Variants in MAGI2 observed in about 807,000 individuals in gnomAD.
The protein encoded by MAGI2 is membrane associated guanylate kinase, WW and PDZ domain containing 2.
A neutral mutation model predicts 133.3 loss-of-function variants in MAGI2; 35 were observed. The observed-to-expected ratio is 0.26, with a 90% CI of 0.20 to 0.35. The LOEUF (loss-of-function observed/expected upper bound fraction) is 0.35, where lower values mean the gene tolerates loss of function less well. Ranked by LOEUF, MAGI2 falls within the 10% of genes least tolerant of loss-of-function variation. The probability of loss-of-function intolerance (pLI) is 1.00; values close to 1 mark genes in which losing one functional copy is unlikely to be tolerated. For missense variants in MAGI2, 1,636 were observed against 1,863.4 expected (o/e 0.88, Z 2.25); for synonymous variants, 729 against 710.6 (o/e 1.03, Z -0.41).
chr7:78,256,165 C>G lies in MAGI2; in HGVS notation c.1825G>C (p.Val609Leu). 1 of 1,613,940 alleles carries G rather than the reference C, an allele frequency of 6.2e-7. No homozygotes were observed. Among genetic ancestry groups the G allele is most frequent in the Non-Finnish European group, 8.5e-7 (1 of 1,179,984 alleles). Reference protein sequence around the residue: ...TQAELMTLTIVKGAQGFGFTI... With the variant: ...TQAELMTLTILKGAQGFGFTI... ...AAGCCGAAGCCCTGGGCACCTTTCA[C>G]AATGGTTAAGGTCATAAGTTCAGCT... Residue 609 changes from valine to leucine, a missense_variant, in exon 10 of 22, where the codon GTG (valine) becomes CTG (leucine). By Grantham distance (32) the Val-to-Leu change is conservative. Coordinates refer to ENST00000354212, the MANE Select transcript of MAGI2 (RefSeq NM_012301.4).
intron 1 of MAGI2, among the ~76,000 whole-genome samples, chr7:79,313,883 A>G (rs1838492300): frequency 6.6e-6 from 1 of 151,370 alleles, no homozygotes; most frequent in Non-Finnish European, 1.5e-5. Flanking sequence ...GTTAACTGCA[A>G]TCTCCACCTC....
chr7:78,320,785 A>G (rs556138391), intron 9 of MAGI2, among the ~76,000 whole-genome samples: 72 of 152,130 alleles, frequency 4.7e-4, no homozygotes, highest in Non-Finnish European at 4.9e-4. Context: ...CAATCAGGCA[A>G]GAGAAAGAAA....
At chr7:78,950,027 T>C (rs1801741353) in intron 2 of MAGI2, among the ~76,000 whole-genome samples, 2 of 152,252 alleles carry the variant, frequency 1.3e-5, no homozygotes, top group South Asian at 4.2e-4. Context: ...TTAGAACTCA[T>C]CTGTAGTCTA....
At chr7:79,069,543 C>CTT (rs71095375) in intron 1 of MAGI2, among the ~76,000 whole-genome samples, 150,946 of 152,262 alleles carry the variant, frequency 0.99, 74,823 homozygotes, top group East Asian at 1. Flanking sequence ...GGTCTTGACT[C>CTT]TATCCAATTT....
At chr7:78,359,243 G>T (rs796455238) in intron 7 of MAGI2, 1 of 152,156 alleles carries the variant, frequency 6.6e-6, no homozygotes, top group Non-Finnish European at 1.5e-5. Flanking sequence ...CGTGAAAGGG[G>T]CATCTCTTTT....
chr7:79,207,697 T>G (rs1829171133), intron 1 of MAGI2, among the ~76,000 whole-genome samples: 1 of 151,786 alleles, frequency 6.6e-6, no homozygotes, highest in African/African-American at 2.4e-5. Flanking sequence ...AATCCTAAAA[T>G]TCATATGGAA....
At chr7:79,165,338 C>A (rs988932078) in intron 1 of MAGI2, among the ~76,000 whole-genome samples, 2 of 151,898 alleles carry the variant, frequency 1.3e-5, no homozygotes, top group African/African-American at 4.8e-5. Context: ...TGAAAGCTTA[C>A]CCACTGCAAT....
intron 2 of MAGI2, among the ~76,000 whole-genome samples, chr7:78,629,819 T>C (rs1276992578): frequency 6.6e-6 from 1 of 152,164 alleles, no homozygotes; most frequent in Non-Finnish European, 1.5e-5. Context: ...AGAGACAATC[T>C]GAAACCAAAT....
intron 2 of MAGI2, among the ~76,000 whole-genome samples, chr7:78,953,102 T>C (rs1339111538): frequency 6.6e-6 from 1 of 152,210 alleles, no homozygotes. Context: ...GCCTGACAGT[T>C]ACTATCTGAA....
At chr7:78,428,595 A>G (rs540434568) in intron 6 of MAGI2, among the ~76,000 whole-genome samples, 1 of 152,314 alleles carries the variant, frequency 6.6e-6, no homozygotes, top group Admixed American at 6.5e-5. Flanking sequence ...CCAGGTCCTC[A>G]TCCCGGAATA....
chr7:78,778,138 C>T (rs544496606), intron 2 of MAGI2, among the ~76,000 whole-genome samples: 2 of 152,292 alleles, frequency 1.3e-5, no homozygotes, highest in East Asian at 1.9e-4. Flanking sequence ...GAGGATCATG[C>T]TTTTCCATAA....
intron 6 of MAGI2, among the ~76,000 whole-genome samples, chr7:78,424,869 G>T (rs1017535903): frequency 6.6e-6 from 1 of 152,108 alleles, no homozygotes; most frequent in Non-Finnish European, 1.5e-5. Flanking sequence ...TAACTAACTT[G>T]CTTTTGATGT....
intron 1 of MAGI2, among the ~76,000 whole-genome samples, chr7:79,352,453 C>G (rs899257554): frequency 2.6e-5 from 4 of 152,144 alleles, no homozygotes; most frequent in African/African-American, 9.7e-5. Context: ...GTAGGAAGGT[C>G]TCTTAGAGGT....
intron 1 of MAGI2, among the ~76,000 whole-genome samples, chr7:79,365,775 G>A (rs1316457397): frequency 7.0e-6 from 1 of 143,834 alleles, no homozygotes; most frequent in African/African-American, 2.6e-5. Context: ...CAGGAGAATG[G>A]CTTGAACCCA....
At chr7:79,090,586 T>C (rs1048165461) in intron 1 of MAGI2, among the ~76,000 whole-genome samples, 6 of 152,148 alleles carry the variant, frequency 3.9e-5, no homozygotes, top group African/African-American at 1.4e-4. Context: ...GCGACATGTA[T>C]ACACAAAGGA....
At chr7:79,147,027 C>T (rs1472198997) in intron 1 of MAGI2, among the ~76,000 whole-genome samples, 2 of 152,168 alleles carry the variant, frequency 1.3e-5, no homozygotes, top group Admixed American at 1.3e-4. Context: ...GCGATTAGAC[C>T]ACCTGAGTTC....
At chr7:78,917,588 G>T (rs1292748338) in intron 2 of MAGI2, among the ~76,000 whole-genome samples, 1 of 152,012 alleles carries the variant, frequency 6.6e-6, no homozygotes. Flanking sequence ...CCAACTGAGT[G>T]TCCAATAATT....
intron 1 of MAGI2, among the ~76,000 whole-genome samples, chr7:79,258,106 A>G (rs557350329): frequency 6.6e-6 from 1 of 152,340 alleles, no homozygotes; most frequent in Admixed American, 6.5e-5. Context: ...TTTTAAAGCC[A>G]GTCACAGTAG....
At chr7:78,520,849 G>T (rs1796434267) in intron 4 of MAGI2, among the ~76,000 whole-genome samples, 1 of 152,098 alleles carries the variant, frequency 6.6e-6, no homozygotes, top group African/African-American at 2.4e-5. Context: ...GCTTCACATT[G>T]TTAATGTATA....
Sources: allele counts gnomAD v4.1 joint callset (sites outside exome capture counted in the v4.1 genomes callset), GRCh38; gene constraint gnomAD v4.1.1; transcripts MANE v1.5; gene names NCBI Gene and HGNC (gene_info 2026-07-23, HGNC 2026-07-21).